The following MTMR3 variants were observed in gnomAD, a reference collection of about 807,000 sequenced individuals.
MTMR3 encodes myotubularin related protein 3.
Under a neutral mutation model 132.4 loss-of-function variants are expected in MTMR3, and 32 were observed. The ratio of observed to expected loss-of-function variants is 0.24; its 90% CI spans 0.18 to 0.32. MTMR3 has a LOEUF of 0.32. MTMR3 is among the 10% of genes least tolerant of loss of function. The probability of loss-of-function intolerance (pLI) is 1.00; values close to 1 mark genes in which losing one functional copy is unlikely to be tolerated. For synonymous variants in MTMR3, 556 were observed against 550.3 expected, an observed-to-expected ratio of 1.01 and a Z score of -0.14; for missense variants, 1,216 against 1,489.6, an observed-to-expected ratio of 0.82 and a Z score of 3.02.
intron 1 of MTMR3, among the ~76,000 whole-genome samples, chr22:29,914,714 A>G (rs1017892594): frequency 2.0e-5 from 3 of 152,062 alleles, no homozygotes; most frequent in Non-Finnish European, 4.4e-5. Flanking sequence ...CTGGAAGTTT[A>G]TAGCTTTGTT....
At chr22:29,984,465 T>A (rs1203612213) in intron 5 of MTMR3, 2 of 152,264 alleles carry the variant, frequency 1.3e-5, no homozygotes, top group African/African-American at 2.4e-5. Flanking sequence ...TTTAAACTGC[T>A]GCTCTTCTGC....
chr22:30,013,139 C>T (rs2067477213), intron 13 of MTMR3: 2 of 399,330 alleles, frequency 5.0e-6, no homozygotes, highest in Admixed American at 4.2e-5. Context: ...TAAACGCAGT[C>T]AGTACCATTT....
At chr22:29,951,508 C>T (rs901586475) in intron 1 of MTMR3, among the ~76,000 whole-genome samples, 7 of 152,172 alleles carry the variant, frequency 4.6e-5, no homozygotes, top group Non-Finnish European at 1.0e-4. Context: ...CAATAAGGTG[C>T]ATGTGAAATG....
intron 7 of MTMR3, chr22:29,994,157 T>C: frequency 1.0e-6 from 1 of 984,486 alleles, no homozygotes; most frequent in African/African-American, 1.7e-5. Flanking sequence ...CTTTGGAAAT[T>C]ATGCAACTAC....
intron 1 of MTMR3, among the ~76,000 whole-genome samples, chr22:29,912,000 TATAAA>T (rs1265809111): frequency 2.6e-5 from 4 of 152,088 alleles, no homozygotes; most frequent in African/African-American, 9.7e-5. Context: ...ATGATAAACA[TATAAA>T]AGGGTCAGAA....
chr22:29,920,964 T>G (rs989413305), intron 1 of MTMR3, among the ~76,000 whole-genome samples: 1 of 145,176 alleles, frequency 6.9e-6, no homozygotes, highest in Non-Finnish European at 1.6e-5. Context: ...AAATGCCAGG[T>G]TTTTTTTAGG....
chr22:29,996,693 C>G (rs1216122390), intron 7 of MTMR3: 1 of 152,062 alleles, frequency 6.6e-6, no homozygotes, highest in East Asian at 1.9e-4. Context: ...GAATTAAAGA[C>G]TCCTTGTCTG....
At chr22:29,884,551 CTTTTTTTTTTTTTT>C (rs35960936) in intron 1 of MTMR3, among the ~76,000 whole-genome samples, 16 of 62,674 alleles carry the variant, frequency 2.6e-4, no homozygotes, top group Admixed American at 4.8e-4. Context: ...CAGAATGACA[CTTTTTTTTTTTTTT>C]TTTTTTTTTT....
chr22:30,023,502 C>T (rs2067821422), intron 19 of MTMR3: 1 of 1,613,836 alleles, frequency 6.2e-7, no homozygotes, highest in African/African-American at 1.3e-5. Flanking sequence ...TTGCAACAAC[C>T]TGCCTGTGAT....
At position 30,025,675 on chromosome 22, in the gene MTMR3, T is replaced by C. The variant is rs372083624; in HGVS notation, c.3471T>C (p.Val1157=). 3.2e-4 allele frequency: 515 copies of C among 1,614,204 alleles called. 10 individuals are homozygous for C. The South Asian group carries it at 4.7e-3, about 15-fold the overall frequency. ...VFCSSCCNQK[V]PVPSQQLFEP... ...GCTCCAGTTGTTGTAACCAGAAGGTTCCAGTTCCCAGCCAGCAGCTCTTTG... is the reference window on the plus strand; with the variant it reads ...GCTCCAGTTGTTGTAACCAGAAGGTCCCAGTTCCCAGCCAGCAGCTCTTTG... The change falls in exon 20 of 20, where the codon GTT becomes GTC. Residue 1157 remains valine, a synonymous_variant. Transcript: ENST00000401950.
chr22:29,979,189 A>C, intron 5 of MTMR3, 137 bp downstream of exon 5: 1 of 645,148 alleles, frequency 1.6e-6, no homozygotes, highest in Non-Finnish European at 2.7e-6. Context: ...CACTTAATTT[A>C]GCACTCAAGG....
At chr22:29,912,033 T>G (rs1234320533) in intron 1 of MTMR3, among the ~76,000 whole-genome samples, 2 of 152,178 alleles carry the variant, frequency 1.3e-5, no homozygotes, top group African/African-American at 4.8e-5. Flanking sequence ...GGAGAAAAAC[T>G]CGGTGAAAAG....
At chr22:29,979,107 A>G (rs1403307548) in intron 5 of MTMR3, 55 bp downstream of exon 5, 2 of 1,178,000 alleles carry the variant, frequency 1.7e-6, no homozygotes, top group Non-Finnish European at 2.6e-6. Context: ...GTAAGTCAAA[A>G]AACTTAATGC....
chr22:29,960,029 A>G (rs1304492120), intron 2 of MTMR3, among the ~76,000 whole-genome samples: 1 of 151,866 alleles, frequency 6.6e-6, no homozygotes, highest in East Asian at 1.9e-4. Context: ...AGCCTCTCAT[A>G]GTGTTGGTCT....
intron 3 of MTMR3, among the ~76,000 whole-genome samples, chr22:29,974,540 C>G (rs748124372): frequency 6.6e-6 from 1 of 152,182 alleles, no homozygotes; most frequent in Non-Finnish European, 1.5e-5. Flanking sequence ...GCCTAATTCT[C>G]AGTTGTTTTA....
At chr22:29,949,495 C>T (rs1244739273) in intron 1 of MTMR3, among the ~76,000 whole-genome samples, 1 of 144,176 alleles carries the variant, frequency 6.9e-6, no homozygotes, top group Non-Finnish European at 1.5e-5. Flanking sequence ...GACTCTGTCC[C>T]CCGCGCCCCC....
chr22:29,884,551 C>CTTTTTT (rs35960936), intron 1 of MTMR3, among the ~76,000 whole-genome samples: 2 of 62,674 alleles, frequency 3.2e-5, no homozygotes, highest in African/African-American at 1.1e-4. Context: ...CAGAATGACA[C>CTTTTTT]TTTTTTTTTT....
intron 5 of MTMR3, chr22:29,987,690 C>G (rs138356740): frequency 2.6e-3 from 401 of 152,366 alleles, no homozygotes; most frequent in African/African-American, 9.0e-3. Flanking sequence ...TCCCTTCTCT[C>G]TATCTGCTGT....
At chr22:29,895,589 G>A (rs1311085175) in intron 1 of MTMR3, among the ~76,000 whole-genome samples, 1 of 152,220 alleles carries the variant, frequency 6.6e-6, no homozygotes, top group East Asian at 1.9e-4. Context: ...CTTTTGAAAT[G>A]TTGGTTGTGC....
Sources: allele counts gnomAD v4.1 joint callset (sites outside exome capture counted in the v4.1 genomes callset), GRCh38; gene constraint gnomAD v4.1.1; transcripts MANE v1.5; gene names NCBI Gene and HGNC (gene_info 2026-07-23, HGNC 2026-07-21).